The following NFIB variants were observed in gnomAD, a reference collection of about 807,000 sequenced individuals.
NFIB encodes nuclear factor 1 B-type.
NFIB carries 11 observed loss-of-function variants against 61.5 expected under a neutral mutation model. That is an observed-to-expected ratio of 0.18 (90% CI 0.11 to 0.30). The LOEUF (loss-of-function observed/expected upper bound fraction) is 0.30, where lower values mean the gene tolerates loss of function less well. Ranked by LOEUF, NFIB falls within the 10% of genes least tolerant of loss-of-function variation. The pLI, the probability that NFIB is intolerant of heterozygous loss-of-function variation, is 1.00. For synonymous variants in NFIB, 260 were observed against 216.5 expected (o/e 1.20, Z -1.76); for missense variants, 471 against 608.9 (o/e 0.77, Z 2.38).
At chr9:14,188,531 G>C (rs1180565182) in intron 2 of NFIB, among the ~76,000 whole-genome samples, 2 of 152,172 alleles carry the variant, frequency 1.3e-5, no homozygotes, top group South Asian at 2.1e-4. Context: ...TATGAAGATT[G>C]CATATTTGTT....
At chr9:14,224,810 C>T (rs1169189943) in intron 2 of NFIB, among the ~76,000 whole-genome samples, 1 of 152,152 alleles carries the variant, frequency 6.6e-6, no homozygotes, top group Non-Finnish European at 1.5e-5. Context: ...TTTCCATTGT[C>T]GTATTTTCTT....
chr9:14,149,140 G>C (rs1317620325), intron 5 of NFIB, among the ~76,000 whole-genome samples: 1 of 152,084 alleles, frequency 6.6e-6, no homozygotes, highest in African/African-American at 2.4e-5. Context: ...ATATGTCAGA[G>C]ACTATTTTAA....
chr9:14,159,554 A>G (rs2043899297), intron 3 of NFIB, among the ~76,000 whole-genome samples: 1 of 152,196 alleles, frequency 6.6e-6, no homozygotes, highest in African/African-American at 2.4e-5. Context: ...CCGGAAGCAG[A>G]TGGCTGCCAC....
At chr9:14,091,591 T>A (rs1384169482) in intron 10 of NFIB, among the ~76,000 whole-genome samples, 2 of 152,138 alleles carry the variant, frequency 1.3e-5, no homozygotes, top group East Asian at 3.9e-4. Context: ...ACTGAAAGGA[T>A]TTCAAAATAT....
intron 2 of NFIB, among the ~76,000 whole-genome samples, chr9:14,235,726 GT>G (rs1416507209): frequency 1.3e-5 from 2 of 152,162 alleles, no homozygotes; most frequent in South Asian, 2.1e-4. Flanking sequence ...ACAACCTTTT[GT>G]TTTGAGGCTC....
chr9:14,298,307 A>C (rs1320988184), intron 2 of NFIB, among the ~76,000 whole-genome samples: 3 of 152,200 alleles, frequency 2.0e-5, no homozygotes, highest in East Asian at 3.8e-4. Flanking sequence ...AGCATAACTA[A>C]ATTTCCCACT....
intron 2 of NFIB, among the ~76,000 whole-genome samples, chr9:14,293,712 C>T (rs1230555189): frequency 1.3e-5 from 2 of 152,144 alleles, no homozygotes; most frequent in African/African-American, 4.8e-5. Context: ...CTTATCAATG[C>T]CAGATACCAA....
chr9:14,518,864 G>A, the NFIB span, among the ~76,000 whole-genome samples: 520 of 152,120 alleles, frequency 3.4e-3, 1 homozygote, highest in Middle Eastern at 6.8e-3. Flanking sequence ...TCTCTGGATC[G>A]GAGCAGTGGA....
intron 2 of NFIB, among the ~76,000 whole-genome samples, chr9:14,258,472 A>T (rs1288109452): frequency 6.6e-6 from 1 of 152,254 alleles, no homozygotes; most frequent in Admixed American, 6.5e-5. Context: ...ACAGTGGAAT[A>T]GAACTATCTT....
intron 2 of NFIB, among the ~76,000 whole-genome samples, chr9:14,268,318 T>C (rs1232582318): frequency 1.3e-5 from 2 of 152,100 alleles, no homozygotes; most frequent in African/African-American, 4.8e-5. Flanking sequence ...GAAAGCTTGA[T>C]GATCTACCCT....
At chr9:14,425,036 C>T in the NFIB span, among the ~76,000 whole-genome samples, 1 of 152,184 alleles carries the variant, frequency 6.6e-6, no homozygotes, top group Non-Finnish European at 1.5e-5. Context: ...TATGGAAGTA[C>T]TCAAGTGCCC....
chr9:14,168,946 T>C (rs2045248570), intron 3 of NFIB, among the ~76,000 whole-genome samples: 1 of 152,220 alleles, frequency 6.6e-6, no homozygotes, highest in Admixed American at 6.5e-5. Context: ...ATGTGGGCTA[T>C]TTTTGGATAT....
At chr9:14,497,062 G>C in the NFIB span, among the ~76,000 whole-genome samples, 1 of 152,174 alleles carries the variant, frequency 6.6e-6, no homozygotes, top group Non-Finnish European at 1.5e-5. Flanking sequence ...TACTCACAAA[G>C]TCACGAGAAC....
the NFIB span, among the ~76,000 whole-genome samples, chr9:14,526,376 A>C: frequency 6.6e-6 from 1 of 152,190 alleles, no homozygotes; most frequent in Non-Finnish European, 1.5e-5. Context: ...CATAACGAAC[A>C]TTTCCTGAGT....
At chr9:14,231,816 C>A (rs2053222354) in intron 2 of NFIB, among the ~76,000 whole-genome samples, 1 of 152,100 alleles carries the variant, frequency 6.6e-6, no homozygotes, top group African/African-American at 2.4e-5. Flanking sequence ...TGCAAGCTGG[C>A]CGATTTTAAG....
chr9:14,518,792 C>G, the NFIB span, among the ~76,000 whole-genome samples: 1 of 152,126 alleles, frequency 6.6e-6, no homozygotes, highest in African/African-American at 2.4e-5. Context: ...GTAGAGATCT[C>G]TCCTTCACCC....
the NFIB span, among the ~76,000 whole-genome samples, chr9:14,465,972 G>C: frequency 1.3e-5 from 2 of 152,152 alleles, no homozygotes; most frequent in Non-Finnish European, 1.5e-5. Flanking sequence ...GGAGGTCGTA[G>C]GCCCCCAACA....
chr9:14,160,597 C>T lies in NFIB; in HGVS notation c.617-4704G>A, dbSNP rs567688270. Reference sequence around the variant, plus strand: ...GATTTGTCATCCAATGGGAACAGGCCTAAAAAGGCATGTGAAATTTTGCAA... The same window carrying T: ...GATTTGTCATCCAATGGGAACAGGCTTAAAAAGGCATGTGAAATTTTGCAA... On this transcript the variant is annotated intron_variant, in intron 3 of 10. Coordinates refer to ENST00000380953, the MANE Select transcript of NFIB (RefSeq NM_001190737.2). Among the ~76,000 whole-genome samples, 3 of 152,026 alleles carry T rather than the reference C, an allele frequency of 2.0e-5. No homozygotes were observed. The South Asian group carries it at 6.2e-4, about 32-fold the overall frequency.
At chr9:14,149,743 T>C (rs946843075) in intron 5 of NFIB, among the ~76,000 whole-genome samples, 1 of 152,180 alleles carries the variant, frequency 6.6e-6, no homozygotes, top group Non-Finnish European at 1.5e-5. Flanking sequence ...ATTTTTTATG[T>C]TTCATTATCC....
Sources: allele counts gnomAD v4.1 joint callset (sites outside exome capture counted in the v4.1 genomes callset), GRCh38; gene constraint gnomAD v4.1.1; transcripts MANE v1.5; gene names NCBI Gene and HGNC (gene_info 2026-07-23, HGNC 2026-07-21).